SPO11: variants seen among roughly 807,000 people sequenced by gnomAD.
The protein encoded by SPO11 is SPO11 initiator of meiotic double strand breaks, also known as meiotic recombination protein SPO11.
A neutral mutation model predicts 51.6 loss-of-function variants in SPO11; 49 were observed. That is an observed-to-expected ratio of 0.95 (90% CI 0.75 to 1.20). The LOEUF is 1.20. Among genes scored for constraint, SPO11 ranks in the 50% most tolerant of loss-of-function variants. SPO11 has a pLI of 0.00. For missense variants in SPO11, 431 were observed against 473.4 expected (o/e 0.91, Z 0.83); for synonymous variants, 176 against 158.2 (o/e 1.11, Z -0.84).
In SPO11 at chr20:57,329,855, G is replaced by T; in HGVS notation, c.-13G>T. The T allele has an allele frequency of 6.2e-7, 1 of 1,606,554 alleles. No homozygotes were observed. Among genetic ancestry groups the T allele is most frequent in the Non-Finnish European group, 8.5e-7 (1 of 1,175,708 alleles). Reference sequence around the variant, plus strand: ...ACAGGGGCTTCTGGAGCTTCTGGCAGCCGTCTGCCCTCATGGCCTTTGCAC... The same window carrying T: ...ACAGGGGCTTCTGGAGCTTCTGGCATCCGTCTGCCCTCATGGCCTTTGCAC... On this transcript the variant is annotated 5_prime_UTR_variant, in exon 1 of 13. Transcript: ENST00000371263.
intron 7 of SPO11, 31 bp downstream of exon 7, chr20:57,335,486 T>A (rs3764674): frequency 2.5e-6 from 4 of 1,594,260 alleles, no homozygotes; most frequent in African/African-American, 2.7e-5. Flanking sequence ...CTATTTAAAC[T>A]TTTGGAATGT....
intron 10 of SPO11, among the ~76,000 whole-genome samples, chr20:57,339,296 T>C (rs1342512299): frequency 6.6e-6 from 1 of 152,168 alleles, no homozygotes; most frequent in Non-Finnish European, 1.5e-5. Flanking sequence ...CTGAAGGAAC[T>C]GTGGGGCTCT....
intron 5 of SPO11, 41 bp from the exon 6 acceptor site, chr20:57,334,709 T>C (rs771898854): frequency 4.9e-5 from 74 of 1,522,300 alleles, no homozygotes; most frequent in Middle Eastern, 1.7e-4. Context: ...ATAAAACATA[T>C]TCGTGAAGCA....
chr20:57,341,221 G>A lies in SPO11; in HGVS notation c.959+1043G>A, dbSNP rs2066577722. Among the ~76,000 whole-genome samples the A allele has an allele frequency of 2.6e-5, 4 of 152,296 alleles. No individual in the cohort carries two copies. In the South Asian group the frequency reaches 8.3e-4, roughly 32 times the overall value. ...CAGCCATTCCCTCATAGCCATTTAA[G>A]TGGTTTCCAAATCTCTATTCTGATA... On this transcript the variant is annotated intron_variant, in intron 11 of 12. Coordinates refer to ENST00000371263, the MANE Select transcript of SPO11 (RefSeq NM_012444.3).
rs762984592 is a variant in SPO11 at position 57,329,974 on chromosome 20, C to A, written c.107C>A (p.Thr36Asn). 14 of 1,607,732 alleles carry A rather than the reference C, an allele frequency of 8.7e-6. No homozygotes were observed. The highest frequency in any genetic ancestry group is 3.3e-5 in the South Asian group (3 of 90,574). ...AGGAGAGGTGGCAGGGAGCCCCCAA[C>A]TGGGGGAAGCCGCCTGGCCTCCAGG... is the stretch of plus-strand genomic sequence containing the variant. Reference protein sequence around the residue: ...ALRRGGREPPTGGSRLASSSE... With the variant: ...ALRRGGREPPNGGSRLASSSE... Residue 36 changes from threonine to asparagine, a missense_variant, in exon 1 of 13, where the codon ACT (threonine) becomes AAT (asparagine). Coordinates refer to ENST00000371263, the MANE Select transcript of SPO11 (RefSeq NM_012444.3).
rs1300003645 is a variant in SPO11, at chr20:57,342,957, CATAA to C, written c.1071+118_1071+121del. On this transcript the variant is annotated intron_variant, in intron 12 of 12. Transcript: ENST00000371263. ...TTGAAATTTTATATGACACGACTAACATAAGTGTTGTTTGGCAGTAAATAGTTGT... is the reference window on the plus strand; with the variant it reads ...TTGAAATTTTATATGACACGACTAACGTGTTGTTTGGCAGTAAATAGTTGT... 1.0e-4 allele frequency: 74 copies of C among 732,814 alleles called. No individual in the cohort carries two copies. The East Asian group carries it at 1.9e-3, about 19-fold the overall frequency. 45.4% of individuals were successfully genotyped at this position (732,814 alleles called of 1,614,324 possible).
chr20:57,341,445 AT>A (rs1487694560), intron 11 of SPO11, among the ~76,000 whole-genome samples: 4 of 151,944 alleles, frequency 2.6e-5, no homozygotes, highest in Admixed American at 6.6e-5. Flanking sequence ...TGGCATTAAC[AT>A]TTTTTTTCAC....
chr20:57,334,342 G>A (rs6099551), intron 5 of SPO11, among the ~76,000 whole-genome samples: 3,146 of 152,118 alleles, frequency 0.021, 123 homozygotes, highest in African/African-American at 0.072. Context: ...TGTTAGTAGG[G>A]ACTAGGTTTC....
At position 57,343,928 on chromosome 20, in the gene SPO11, C is replaced by T. The variant is rs2066613859; in HGVS notation, c.*468C>T. ...TCCTTTGCCTTTATACTTTAGGGGT[C>T]TTACTCCATTAATTCATTTGTTACA... is the stretch of plus-strand genomic sequence containing the variant. On this transcript the variant is annotated 3_prime_UTR_variant, in exon 13 of 13. Transcript: ENST00000371263. 6.6e-6 allele frequency: 1 copy of T among 152,284 alleles called. No homozygotes were observed. The highest frequency in any genetic ancestry group is 6.5e-5 in the Admixed American group (1 of 15,268). The allele number at this position is 152,284 out of a possible 1,614,324, so 9.4% of individuals were successfully genotyped here. A position where few individuals can be genotyped will look rare whatever the true frequency, so the allele number is the denominator to read the frequency against.
At chr20:57,336,785 C>G (rs910304266) in intron 8 of SPO11, among the ~76,000 whole-genome samples, 1 of 152,142 alleles carries the variant, frequency 6.6e-6, no homozygotes, top group East Asian at 1.9e-4. Context: ...TAAATACTCA[C>G]GATGAGCTAG....
At position 57,329,815 on chromosome 20, in the gene SPO11, A is replaced by G. The variant is rs541618742; in HGVS notation, c.-53A>G. 5.2e-6 allele frequency: 8 copies of G among 1,552,362 alleles called. No individual in the cohort carries two copies. In the East Asian group the frequency reaches 9.1e-5, roughly 18 times the overall value. The stretch of plus-strand genomic sequence containing the variant: ...GGGAAAGGCACGCAGCCACGCCCCA[A>G]GGGCGCAGCCTAGGACAGGGGCTTC... On this transcript the variant is annotated 5_prime_UTR_variant, in exon 1 of 13. Coordinates refer to ENST00000371263, the MANE Select transcript of SPO11 (RefSeq NM_012444.3).
chr20:57,332,497 G>GT (rs944992848), intron 2 of SPO11, among the ~76,000 whole-genome samples: 8 of 152,122 alleles, frequency 5.3e-5, no homozygotes, highest in African/African-American at 1.9e-4. Flanking sequence ...AGTTATACCG[G>GT]TTTTTTCCAG....
At chr20:57,338,435 G>A (rs936095754) in intron 9 of SPO11, 60 bp downstream of exon 9, 24 of 1,189,692 alleles carry the variant, frequency 2.0e-5, no homozygotes, top group Non-Finnish European at 2.9e-5. Context: ...TTGTTGTTGT[G>A]TTTTCTTCCT....
At chr20:57,331,548 G>C (rs183352291) in intron 1 of SPO11, among the ~76,000 whole-genome samples, 2 of 152,162 alleles carry the variant, frequency 1.3e-5, no homozygotes, top group African/African-American at 4.8e-5. Context: ...GTAAAAGGGA[G>C]ACCTTCCATT....
At chr20:57,337,781 T>C in intron 8 of SPO11, 2 of 1,306,854 alleles carry the variant, frequency 1.5e-6, no homozygotes, top group South Asian at 1.2e-5. Flanking sequence ...GGTAGGAAGA[T>C]GTAACCCTTT....
At chr20:57,339,101 T>C in intron 10 of SPO11, 75 bp downstream of exon 10, 1 of 1,027,288 alleles carries the variant, frequency 9.7e-7, no homozygotes, top group East Asian at 2.8e-5. Context: ...TCTGCATTTA[T>C]TAATCACCCC....
At chr20:57,335,574 G>A (rs981195727) in intron 7 of SPO11, 119 bp downstream of exon 7, 4 of 962,092 alleles carry the variant, frequency 4.2e-6, no homozygotes, top group Non-Finnish European at 6.2e-6. Flanking sequence ...TAGCAGTCAA[G>A]ATGAACACAC....
chr20:57,331,977 G>A, intron 2 of SPO11, 31 bp downstream of exon 2: 2 of 1,271,488 alleles, frequency 1.6e-6, no homozygotes, highest in South Asian at 1.3e-5. Flanking sequence ...TTTTTTAAAT[G>A]CAATATCTAT....
intron 8 of SPO11, 124 bp downstream of exon 8, chr20:57,336,031 T>C (rs565559807): frequency 5.0e-6 from 3 of 599,922 alleles, no homozygotes; most frequent in Admixed American, 6.9e-5. Flanking sequence ...TTTGGGATCA[T>C]AGAACGGGAA....
Sources: allele counts gnomAD v4.1 joint callset (sites outside exome capture counted in the v4.1 genomes callset), GRCh38; gene constraint gnomAD v4.1.1; transcripts MANE v1.5; gene names NCBI Gene and HGNC (gene_info 2026-07-23, HGNC 2026-07-21).